Variants in A2ML1 observed in about 807,000 individuals in gnomAD.
A2ML1 encodes the protein alpha-2-macroglobulin like 1.
A2ML1 carries 161 observed loss-of-function variants against 181.9 expected under a neutral mutation model. That is an observed-to-expected ratio of 0.89 (90% confidence interval 0.78 to 1.01). The LOEUF (loss-of-function observed/expected upper bound fraction) is 1.01, where lower values mean the gene tolerates loss of function less well. Among genes scored for constraint, A2ML1 ranks in the 50% least tolerant of loss-of-function variants. A2ML1 has a pLI of 0.00. For missense variants in A2ML1, 1,670 were observed against 1,768.1 expected, an observed-to-expected ratio of 0.94 and a Z score of 1.00; for synonymous variants, 663 against 666.8, an observed-to-expected ratio of 0.99 and a Z score of 0.09.
chr12:8,845,601 A>T (rs1943643550), intron 13 of A2ML1, 99 bp downstream of exon 13: 42 of 1,228,876 alleles, frequency 3.4e-5, no homozygotes, highest in Non-Finnish European at 4.8e-5. Context: ...TAATCCCAGC[A>T]CTTTGGGAGG....
Position 8,850,274 on chromosome 12 carries a change from G to T in A2ML1, c.2234G>T (p.Gly745Val). 1 of 1,605,962 alleles carries T rather than the reference G, an allele frequency of 6.2e-7. No homozygotes were observed. Residue 745 changes from glycine to valine, a missense_variant and splice_region_variant, in exon 18 of 36, where the codon GGT becomes GTT. By Grantham distance (109) the Gly-to-Val change is moderately radical (BLOSUM62 -3). Transcript: ENST00000299698. ...TGGCTCTGGGATCTGTTTCCTATTG[G>T]GTAAGTGATGACTCAAAAGTACAGT... ...ETWLWDLFPI[G>V]NSGKEAVHVT...
rs780461710 is a variant in A2ML1, at chr12:8,855,566, C to T, written c.2822C>T (p.Ser941Leu). ...LELPVDIVPDSTKAYVTVLGD... is the reference protein window; with the variant it reads ...LELPVDIVPDLTKAYVTVLGD... Reference sequence around the variant, plus strand: ...CTCCCAGTGGACATTGTTCCTGACTCGACCAAGGCTTATGTTACGGTTCTG... The same window carrying T: ...CTCCCAGTGGACATTGTTCCTGACTTGACCAAGGCTTATGTTACGGTTCTG... The change falls in exon 23 of 36, where the codon TCG becomes TTG. Residue 941 changes from serine (S) to leucine (L), a missense_variant. Coordinates refer to ENST00000299698, the MANE Select transcript of A2ML1 (RefSeq NM_144670.6). The T allele has an allele frequency of 1.8e-5, 29 of 1,613,982 alleles. No individual in the cohort carries two copies. The highest frequency in any genetic ancestry group is 4.4e-5 in the South Asian group (4 of 91,084).
intron 3 of A2ML1, among the ~76,000 whole-genome samples, chr12:8,828,972 G>A (rs370935727): frequency 9.2e-5 from 14 of 152,300 alleles, no homozygotes; most frequent in Middle Eastern, 3.4e-3. Context: ...GTGCTCTCCC[G>A]CCCTCAAGCT....
At chr12:8,860,182 C>T (rs1320638005) in intron 26 of A2ML1, among the ~76,000 whole-genome samples, 1 of 151,810 alleles carries the variant, frequency 6.6e-6, no homozygotes, top group Non-Finnish European at 1.5e-5. Context: ...GCTGGGACCA[C>T]GGATCCACGT....
intron 8 of A2ML1, among the ~76,000 whole-genome samples, chr12:8,837,822 A>G (rs1231919903): frequency 2.6e-5 from 4 of 151,320 alleles, no homozygotes; most frequent in Admixed American, 6.6e-5. Flanking sequence ...GGAGGTTGCA[A>G]TGAGCCGAGA....
chr12:8,869,012 G>A (rs1291375552), intron 32 of A2ML1, 123 bp from the exon 33 acceptor site: 1 of 866,934 alleles, frequency 1.2e-6, no homozygotes, highest in Non-Finnish European at 1.8e-6. Context: ...TAATAGTCTT[G>A]GTTCCCTTTT....
At position 8,839,164 on chromosome 12, in the gene A2ML1, C is replaced by G; in HGVS notation, c.1022C>G (p.Ser341Ter). 1 of 1,613,702 alleles carries G rather than the reference C, an allele frequency of 6.2e-7. No homozygotes were observed. Among genetic ancestry groups the G allele is most frequent in the Non-Finnish European group, 8.5e-7 (1 of 1,179,720 alleles). ...ATCTACATTTCTCCACAAATGGGATCAATGACCTTTGAAGACACCAGCAAT... is the reference window on the plus strand; with the variant it reads ...ATCTACATTTCTCCACAAATGGGATGAATGACCTTTGAAGACACCAGCAAT... ...QNIYISPQMG[S>*]MTFEDTSNFY... Residue 341 changes from serine (S) to a stop codon, truncating the protein, a stop_gained, in exon 10 of 36, where the codon TCA becomes TGA. Transcript: ENST00000299698. LOFTEE classifies it high-confidence loss of function.
chr12:8,843,064 C>T (rs916433376), intron 11 of A2ML1, 70 bp from the exon 12 acceptor site: 10 of 1,388,714 alleles, frequency 7.2e-6, no homozygotes, highest in African/African-American at 2.8e-5. Flanking sequence ...ATTTGAAAAC[C>T]GTAACAAGTC....
chr12:8,834,249 T>C (rs1382890201), intron 4 of A2ML1, among the ~76,000 whole-genome samples: 1 of 152,196 alleles, frequency 6.6e-6, no homozygotes, highest in African/African-American at 2.4e-5. Context: ...CCCACAAGCA[T>C]TCAGATGGTA....
intron 33 of A2ML1, among the ~76,000 whole-genome samples, chr12:8,873,647 G>T (rs1180771743): frequency 1.3e-5 from 2 of 152,142 alleles, no homozygotes; most frequent in Admixed American, 6.5e-5. Context: ...TGCAGCATAA[G>T]GGGATAAAGA....
chr12:8,859,121 C>A (rs983730919), intron 26 of A2ML1, among the ~76,000 whole-genome samples: 2 of 151,852 alleles, frequency 1.3e-5, no homozygotes, highest in South Asian at 2.1e-4. Context: ...GCACTGCTTT[C>A]TTCTGTTCAC....
intron 26 of A2ML1, among the ~76,000 whole-genome samples, chr12:8,858,575 G>C (rs1217623577): frequency 6.6e-6 from 1 of 152,134 alleles, no homozygotes. Context: ...GACCGAGTGA[G>C]ACCCTGCCTC....
intron 33 of A2ML1, among the ~76,000 whole-genome samples, 158 bp from the exon 34 acceptor site, chr12:8,874,267 C>T (rs1944725864): frequency 1.3e-5 from 2 of 152,154 alleles, no homozygotes; most frequent in Non-Finnish European, 2.9e-5. Flanking sequence ...TCACCCACTT[C>T]GGCCTCCCAA....
At chr12:8,829,910 G>C in intron 4 of A2ML1, 131 bp downstream of exon 4, 1 of 1,078,564 alleles carries the variant, frequency 9.3e-7, no homozygotes, top group Non-Finnish European at 1.4e-6. Flanking sequence ...TGCTGTGTGC[G>C]TGGGACTGGA....
At chr12:8,871,916 A>G (rs1157724780) in intron 33 of A2ML1, among the ~76,000 whole-genome samples, 1 of 152,086 alleles carries the variant, frequency 6.6e-6, no homozygotes, top group East Asian at 1.9e-4. Context: ...GCAGTGGCTC[A>G]TGCCTGTAAT....
intron 10 of A2ML1, 144 bp from the exon 11 acceptor site, chr12:8,841,225 C>T: frequency 1.4e-6 from 1 of 718,556 alleles, no homozygotes; most frequent in Non-Finnish European, 2.2e-6. Flanking sequence ...AGGACTCTTT[C>T]CTGAAATGTA....
In A2ML1 at chr12:8,843,296, C is replaced by T; in HGVS notation, c.1411C>T (p.Leu471=). The part of the protein sequence containing the change: ...PLKCGQPQEV[L]VDYYIDPADA... ...GAAATGTGGCCAGCCCCAGGAAGTG[C>T]TGGTGGATTATTACATCGACCCGGC... The change falls in exon 12 of 36, where the codon CTG becomes TTG. Residue 471 remains leucine (L), a synonymous_variant. Coordinates refer to ENST00000299698, the MANE Select transcript of A2ML1 (RefSeq NM_144670.6). 1 of 1,614,180 alleles carries T rather than the reference C, an allele frequency of 6.2e-7. No individual in the cohort carries two copies. Among genetic ancestry groups the T allele is most frequent in the Non-Finnish European group, 8.5e-7 (1 of 1,180,046 alleles).
At chr12:8,862,134 T>C (rs1018212664) in intron 28 of A2ML1, among the ~76,000 whole-genome samples, 1 of 152,228 alleles carries the variant, frequency 6.6e-6, no homozygotes, top group African/African-American at 2.4e-5. Flanking sequence ...CATTGTGGAA[T>C]CACCCTTTTG....
Position 8,852,342 on chromosome 12 carries a change from A to C in A2ML1, c.2590+6A>C, listed in dbSNP as rs1474714693. ...CATCACAGCTGTCAAATTGGGTAAGAGAGGGAAGTGGTAGACGGGCGAGGA... is the reference window on the plus strand; with the variant it reads ...CATCACAGCTGTCAAATTGGGTAAGCGAGGGAAGTGGTAGACGGGCGAGGA... On this transcript the variant is annotated splice_donor_region_variant and intron_variant, in intron 20 of 35. Coordinates refer to ENST00000299698, the MANE Select transcript of A2ML1 (RefSeq NM_144670.6). The surrounding 1 kb of genome is among the most constrained non-coding windows in gnomAD (Gnocchi z 4.2). 2 of 1,614,034 alleles carry C rather than the reference A, an allele frequency of 1.2e-6. No individual in the cohort carries two copies. The highest frequency in any genetic ancestry group is 1.7e-6 in the Non-Finnish European group (2 of 1,179,934).
Sources: gnomAD v4.1 joint callset for allele counts (sites outside exome capture counted in the v4.1 genomes callset) on GRCh38, gnomAD v4.1.1 for gene constraint, Gnocchi (gnomAD v3.1) non-coding constraint, MANE v1.5 for transcripts, NCBI Gene and HGNC (gene_info 2026-07-23, HGNC 2026-07-21) for gene names.